NOS1: variants seen among roughly 807,000 people sequenced by gnomAD.
NOS1 encodes NOS type I.
In NOS1, 51 loss-of-function variants were observed where a neutral mutation model predicts 164.5. That is an observed-to-expected ratio of 0.31 (90% CI 0.25 to 0.39). The LOEUF (loss-of-function observed/expected upper bound fraction) is 0.39, where lower values mean the gene tolerates loss of function less well. Ranked by LOEUF, NOS1 falls within the 10% of genes least tolerant of loss-of-function variation. NOS1 has a pLI of 1.00. For missense variants in NOS1, 1,362 were observed against 1,885.6 expected, an observed-to-expected ratio of 0.72 and a Z score of 5.14; for synonymous variants, 719 against 745.8, an observed-to-expected ratio of 0.96 and a Z score of 0.59.
chr12:117,233,520 G>A (rs1869438000), intron 21 of NOS1, among the ~76,000 whole-genome samples: 1 of 151,502 alleles, frequency 6.6e-6, no homozygotes, highest in Non-Finnish European at 1.5e-5. Flanking sequence ...GAGAGGGTAT[G>A]TCTCAGCCGG....
intron 12 of NOS1, among the ~76,000 whole-genome samples, chr12:117,264,872 T>G (rs1326923308): frequency 1.3e-5 from 2 of 152,018 alleles, no homozygotes; most frequent in Non-Finnish European, 2.9e-5. Flanking sequence ...CAGGCTAATT[T>G]TTTGTATTTT....
intron 1 of NOS1, among the ~76,000 whole-genome samples, chr12:117,333,538 T>G (rs998231023): frequency 1.3e-4 from 19 of 149,968 alleles, no homozygotes; most frequent in African/African-American, 4.2e-4. Context: ...AATGGGGGGG[T>G]GTGTGGGGGG....
At chr12:117,261,386 T>C (rs958332967) in intron 13 of NOS1, among the ~76,000 whole-genome samples, 2 of 152,076 alleles carry the variant, frequency 1.3e-5, no homozygotes, top group African/African-American at 4.8e-5. Flanking sequence ...TATGTGTCAG[T>C]ATTGTTATAG....
chr12:117,317,301 G>T (rs1874711227), intron 2 of NOS1, among the ~76,000 whole-genome samples: 1 of 151,602 alleles, frequency 6.6e-6, no homozygotes, highest in African/African-American at 2.4e-5. Flanking sequence ...CATGAGTCTT[G>T]GTCTTGCCCA....
rs1870275891 is a variant in NOS1 at position 117,242,609 on chromosome 12, G to A, written c.3041+18C>T. On this transcript the variant is annotated intron_variant, in intron 20 of 28. Coordinates refer to ENST00000317775, the MANE Select transcript of NOS1 (RefSeq NM_000620.5). ...TGGGAGAAGACGTAGGTAACCCAGT[G>A]AACCAAGATGTTCCTACCTGGATTT... 6.2e-7 allele frequency: 1 copy of A among 1,609,346 alleles called. No individual in the cohort carries two copies.
chr12:117,269,460 A>ATTTTTTTTTTTTT lies in NOS1; in HGVS notation c.1840-1317_1840-1316insAAAAAAAAAAAAA, dbSNP rs200222625. ...GGCCCAGGGGGCAGGATCTCTGGAG[A>ATTTTTTTTTTTTT]TTTGTTTTTTTTTTTTTTTTTTTTT... On this transcript the variant is annotated intron_variant, in intron 10 of 28. Transcript: ENST00000317775. Among the ~76,000 whole-genome samples the ATTTTTTTTTTTTT allele has an allele frequency of 2.7e-5, 3 of 110,048 alleles. 1 individual carries two copies. Among genetic ancestry groups the ATTTTTTTTTTTTT allele is most frequent in the Non-Finnish European group, 3.4e-5 (2 of 59,416 alleles). 72.2% of individuals were successfully genotyped at this position (110,048 alleles called of 152,430 possible). A position where few individuals can be genotyped will look rare whatever the true frequency, so the allele number is the denominator to read the frequency against.
At chr12:117,291,286 T>C (rs1243124842) in intron 3 of NOS1, among the ~76,000 whole-genome samples, 1 of 152,164 alleles carries the variant, frequency 6.6e-6, no homozygotes, top group Non-Finnish European at 1.5e-5. Flanking sequence ...CCCAAATTTC[T>C]GGTTTCTGAT....
At chr12:117,360,557 G>A (rs547899295) in intron 1 of NOS1, among the ~76,000 whole-genome samples, 101 of 152,378 alleles carry the variant, frequency 6.6e-4, no homozygotes, top group African/African-American at 2.3e-3. Context: ...CGGAAGAAGT[G>A]AGAGGTGCGG....
intron 2 of NOS1, among the ~76,000 whole-genome samples, chr12:117,327,766 G>C (rs1409816514): frequency 6.6e-6 from 1 of 152,116 alleles, no homozygotes. Context: ...AGGACTCCAG[G>C]CTGTCCCCAG....
chr12:117,287,441 CTTTT>C (rs1872781361), intron 5 of NOS1, among the ~76,000 whole-genome samples: 2 of 151,712 alleles, frequency 1.3e-5, no homozygotes, highest in Admixed American at 6.6e-5. Context: ...TGGTTTCTTT[CTTTT>C]GTTTTTTTTT....
chr12:117,273,599 C>T lies in NOS1; in HGVS notation c.1665-1040G>A, dbSNP rs573048325. 1.7e-4 allele frequency among the ~76,000 whole-genome samples: 26 copies of T among 152,150 alleles called. No homozygotes were observed. The East Asian group carries it at 4.6e-3, about 27-fold the overall frequency. ...AAAGTAATGGCAAAAACCACAGTTACTTTTTGCATCAACCTAATAAAAACC... is the reference window on the plus strand; with the variant it reads ...AAAGTAATGGCAAAAACCACAGTTATTTTTTGCATCAACCTAATAAAAACC... On this transcript the variant is annotated intron_variant, in intron 9 of 28. Coordinates refer to ENST00000317775, the MANE Select transcript of NOS1 (RefSeq NM_000620.5).
intron 1 of NOS1, among the ~76,000 whole-genome samples, chr12:117,357,339 C>T (rs964329905): frequency 3.9e-5 from 6 of 152,140 alleles, no homozygotes; most frequent in African/African-American, 1.4e-4. Context: ...TGACACCCAG[C>T]AAGGTCAAGG....
chr12:117,359,635 G>A (rs1054432297), intron 1 of NOS1, among the ~76,000 whole-genome samples: 2 of 151,954 alleles, frequency 1.3e-5, no homozygotes, highest in African/African-American at 2.4e-5. Context: ...CCCTCCCTCC[G>A]TGGTGGCTGC....
Position 117,330,634 on chromosome 12 carries a change from G to C in NOS1, c.436C>G (p.Pro146Ala). ...CCCGAGGCCCCATCCACTGCCAGGG[G>C]CTGTTCTTTGCCGGCCGGTGGCTGG... ...SHQPPAGKEQ[P>A]LAVDGASGPG... is the part of the protein sequence containing the mutation. The change falls in exon 2 of 29, where the codon CCC becomes GCC. Residue 146 changes from proline (P) to alanine (A), a missense_variant. Pro to Ala is a conservative substitution (Grantham distance 27, BLOSUM62 -1). Coordinates refer to ENST00000317775, the MANE Select transcript of NOS1 (RefSeq NM_000620.5). This position sits in a 1 kb window ranked among gnomAD's most constrained non-coding sequence, Gnocchi z 4.6. 1 of 1,612,022 alleles carries C rather than the reference G, an allele frequency of 6.2e-7. No individual in the cohort carries two copies. Among genetic ancestry groups the C allele is most frequent in the Non-Finnish European group, 8.5e-7 (1 of 1,178,564 alleles).
At chr12:117,253,345 C>T (rs1871227081) in intron 17 of NOS1, among the ~76,000 whole-genome samples, 1 of 151,970 alleles carries the variant, frequency 6.6e-6, no homozygotes, top group African/African-American at 2.4e-5. Context: ...TGAGCAATAT[C>T]CAGGGATTGA....
At chr12:117,295,948 T>C (rs1007067596) in intron 3 of NOS1, among the ~76,000 whole-genome samples, 6 of 152,044 alleles carry the variant, frequency 3.9e-5, no homozygotes, top group African/African-American at 9.7e-5. Context: ...TTTAAAGCAG[T>C]GTCACTTCCT....
intron 1 of NOS1, among the ~76,000 whole-genome samples, chr12:117,344,787 G>A (rs753901109): frequency 2.0e-5 from 3 of 152,116 alleles, no homozygotes; most frequent in Non-Finnish European, 2.9e-5. Context: ...TTTGTGATAC[G>A]TGCATTTATA....
intron 1 of NOS1, among the ~76,000 whole-genome samples, chr12:117,353,899 A>C (rs1026279163): frequency 1.4e-4 from 22 of 152,196 alleles, no homozygotes; most frequent in African/African-American, 5.1e-4. Flanking sequence ...CAGGAGTTCA[A>C]GACCAGCCTG....
At chr12:117,248,840 A>G (rs2135962454) in intron 17 of NOS1, among the ~76,000 whole-genome samples, 1 of 151,858 alleles carries the variant, frequency 6.6e-6, no homozygotes, top group South Asian at 2.1e-4. Flanking sequence ...CTATTTCTCC[A>G]CATCCTCTCC....
Sources: allele counts gnomAD v4.1 joint callset (sites outside exome capture counted in the v4.1 genomes callset), GRCh38; gene constraint gnomAD v4.1.1; non-coding constraint Gnocchi (gnomAD v3.1); transcripts MANE v1.5; gene names NCBI Gene and HGNC (gene_info 2026-07-23, HGNC 2026-07-21).